The following ANKS1B variants were observed in gnomAD, a reference collection of about 807,000 sequenced individuals.
The protein encoded by ANKS1B is ankyrin repeat and sterile alpha motif domain containing 1B.
ANKS1B carries 36 observed loss-of-function variants against 148.3 expected under a neutral mutation model. That is an observed-to-expected ratio of 0.24 (90% CI 0.19 to 0.32). The LOEUF (loss-of-function observed/expected upper bound fraction) is 0.32. Ranked by LOEUF, ANKS1B falls within the 10% of genes least tolerant of loss-of-function variation. The probability of loss-of-function intolerance (pLI) is 1.00; values close to 1 mark genes in which losing one functional copy is unlikely to be tolerated. For synonymous variants in ANKS1B, 542 were observed against 560.8 expected (o/e 0.97, Z 0.47); for missense variants, 1,157 against 1,542.6 (o/e 0.75, Z 4.19).
intron 9 of ANKS1B, among the ~76,000 whole-genome samples, chr12:99,580,024 G>A (rs1370339994): frequency 3.9e-5 from 6 of 152,176 alleles, no homozygotes; most frequent in African/African-American, 1.2e-4. Flanking sequence ...GCCATAAAAA[G>A]GAATGAAATT....
At chr12:99,380,966 A>G (rs2093621959) in intron 12 of ANKS1B, among the ~76,000 whole-genome samples, 1 of 152,226 alleles carries the variant, frequency 6.6e-6, no homozygotes, top group Non-Finnish European at 1.5e-5. Context: ...GAATTCAATG[A>G]CTGGCCTCCT....
chr12:99,090,865 AAC>A (rs1490436335), intron 15 of ANKS1B, among the ~76,000 whole-genome samples: 1 of 152,128 alleles, frequency 6.6e-6, no homozygotes, highest in Non-Finnish European at 1.5e-5. Flanking sequence ...ATCATATAGA[AAC>A]ACGGGTGACT....
chr12:99,422,030 T>C (rs928015381), intron 11 of ANKS1B, among the ~76,000 whole-genome samples: 1 of 152,170 alleles, frequency 6.6e-6, no homozygotes, highest in African/African-American at 2.4e-5. Context: ...AGAAGCCAAG[T>C]AGACGGTGGA....
chr12:99,894,289 AAGGGAGGGAGGGAGGGAGGG>A (rs752609673), intron 1 of ANKS1B, among the ~76,000 whole-genome samples: 5,719 of 45,820 alleles, frequency 0.12, 359 homozygotes, highest in Non-Finnish European at 0.15. Flanking sequence ...GGAAGGAAGG[AAGGGAGGGAGGGAGGGAGGG>A]AGGGAGGGAG....
chr12:99,860,803 C>G lies in ANKS1B; in HGVS notation c.135-35414G>C, dbSNP rs117019486. 1.7e-3 allele frequency among the ~76,000 whole-genome samples: 253 copies of G among 152,236 alleles called. 8 individuals are homozygous for G. In the East Asian group the frequency reaches 0.041, roughly 25 times the overall value. On this transcript the variant is annotated intron_variant, in intron 1 of 26. Coordinates refer to ENST00000683438, the MANE Select transcript of ANKS1B (RefSeq NM_001352186.2). ...TGATGCTTGTTGATTGTATCATGAACTGAAGAGTATAATAAACTCAAGCCA... is the reference window on the plus strand; with the variant it reads ...TGATGCTTGTTGATTGTATCATGAAGTGAAGAGTATAATAAACTCAAGCCA...
intron 17 of ANKS1B, among the ~76,000 whole-genome samples, chr12:98,839,527 C>G (rs1406595730): frequency 6.6e-6 from 1 of 152,156 alleles, no homozygotes; most frequent in Non-Finnish European, 1.5e-5. Flanking sequence ...AAGCACAGAA[C>G]TAAGGTACTA....
chr12:99,710,444 G>T (rs1230370688), intron 8 of ANKS1B, among the ~76,000 whole-genome samples: 2 of 152,078 alleles, frequency 1.3e-5, no homozygotes, highest in African/African-American at 4.8e-5. Context: ...AAAAGAGATA[G>T]ATTAAGACAG....
intron 8 of ANKS1B, among the ~76,000 whole-genome samples, chr12:99,698,840 G>C (rs1034496895): frequency 3.7e-4 from 56 of 152,046 alleles, no homozygotes; most frequent in Admixed American, 3.5e-3. Flanking sequence ...TCTCCTTAAG[G>C]CCTATGATGA....
chr12:99,972,830 G>A (rs1489285891), intron 1 of ANKS1B, among the ~76,000 whole-genome samples: 1 of 152,172 alleles, frequency 6.6e-6, no homozygotes, highest in Non-Finnish European at 1.5e-5. Flanking sequence ...TGGCTTCAAA[G>A]CTTCAAAGGA....
rs1199963846 is a variant in ANKS1B, at chr12:98,975,241, CTTCCTTCT to C, written c.2778+77908_2778+77915del. Among the ~76,000 whole-genome samples, 620 of 141,750 alleles carry C rather than the reference CTTCCTTCT, an allele frequency of 4.4e-3. 7 individuals carry two copies. The highest frequency in any genetic ancestry group is 0.016 in the African/African-American group (595 of 37,690). 93.0% of individuals were successfully genotyped at this position (141,750 alleles called of 152,430 possible). ...TTCCTCCCTCCCATCTCCTTCCTTC[CTTCCTTCT>C]TTCTTTCCTTCATTCCTCCCTCCCT... On this transcript the variant is annotated intron_variant, in intron 17 of 26. Transcript: ENST00000683438.
intron 16 of ANKS1B, among the ~76,000 whole-genome samples, chr12:99,055,728 G>A (rs143295254): frequency 2.0e-5 from 3 of 150,548 alleles, no homozygotes; most frequent in South Asian, 2.1e-4. Flanking sequence ...ACTTGGGGGG[G>A]GGGGAGGTGG....
chr12:98,745,655 G>A lies in ANKS1B; in HGVS notation c.*84C>T, dbSNP rs1161446502. ...CTCAGAGCAGTCTTCCTCCTGGGCT[G>A]GGTGGACGCGGAGGCGCGAAGGAAA... On this transcript the variant is annotated 3_prime_UTR_variant, in exon 27 of 27. Coordinates refer to ENST00000683438, the MANE Select transcript of ANKS1B (RefSeq NM_001352186.2). The A allele has an allele frequency of 2.6e-6, 4 of 1,561,666 alleles. No homozygotes were observed. The highest frequency in any genetic ancestry group is 3.5e-6 in the Non-Finnish European group (4 of 1,153,344).
intron 17 of ANKS1B, among the ~76,000 whole-genome samples, chr12:99,043,077 T>A (rs2099960121): frequency 6.6e-6 from 1 of 152,208 alleles, no homozygotes; most frequent in African/African-American, 2.4e-5. Context: ...AATCTGGAAA[T>A]TTTTTGAGGG....
intron 1 of ANKS1B, among the ~76,000 whole-genome samples, chr12:99,852,577 A>G (rs1039359272): frequency 2.6e-5 from 4 of 152,324 alleles, no homozygotes; most frequent in Non-Finnish European, 5.9e-5. Flanking sequence ...GAAAAACAGG[A>G]GAAAAAATGG....
chr12:99,079,363 T>G (rs141024277), intron 16 of ANKS1B, among the ~76,000 whole-genome samples: 167 of 152,300 alleles, frequency 1.1e-3, no homozygotes, highest in Middle Eastern at 3.4e-3. Context: ...ATCCATTCAT[T>G]CAGAGGTTCT....
chr12:99,741,743 C>A (rs185379237), intron 8 of ANKS1B, among the ~76,000 whole-genome samples: 1 of 151,680 alleles, frequency 6.6e-6, no homozygotes, highest in East Asian at 1.9e-4. Flanking sequence ...TGGGGCCTGT[C>A]GAGGTGGGGG....
At chr12:99,777,499 A>G (rs1038969034) in intron 6 of ANKS1B, among the ~76,000 whole-genome samples, 1 of 152,110 alleles carries the variant, frequency 6.6e-6, no homozygotes, top group Non-Finnish European at 1.5e-5. Context: ...GTCACACCCC[A>G]TTTTCTAGTG....
chr12:99,649,254 TCTCA>T lies in ANKS1B; in HGVS notation c.1272+5809_1272+5812del, dbSNP rs758125476. The T allele has an allele frequency of 3.3e-4, 499 of 1,493,594 alleles. 1 individual carries two copies. The highest frequency in any genetic ancestry group is 4.2e-4 in the Non-Finnish European group (451 of 1,070,656). The allele number at this position is 1,493,594 out of a possible 1,614,324, so 92.5% of individuals were successfully genotyped here. ...AGGAAGAGAAAGGAGATCTTGCTGG[TCTCA>T]CTGTCTTTGCTTATTTGTTCTCTCC... On this transcript the variant is annotated intron_variant, in intron 9 of 26. Coordinates refer to ENST00000683438, the MANE Select transcript of ANKS1B (RefSeq NM_001352186.2).
chr12:99,402,393 G>C (rs2094428757), intron 11 of ANKS1B, among the ~76,000 whole-genome samples: 1 of 145,722 alleles, frequency 6.9e-6, no homozygotes. Context: ...ATGGGGGTTT[G>C]TTTAACAGAT....
Sources: gnomAD v4.1 joint callset for allele counts (sites outside exome capture counted in the v4.1 genomes callset) on GRCh38, gnomAD v4.1.1 for gene constraint, MANE v1.5 for transcripts, NCBI Gene and HGNC (gene_info 2026-07-23, HGNC 2026-07-21) for gene names.